The following KEAP1 variants were observed in gnomAD, a reference collection of about 807,000 sequenced individuals.
The protein encoded by KEAP1 is kelch-like ECH-associated protein 1.
A neutral mutation model predicts 59.7 loss-of-function variants in KEAP1; 26 were observed. That is an observed-to-expected ratio of 0.44 (90% CI 0.32 to 0.60). KEAP1 has a LOEUF of 0.60. Ranked by LOEUF, KEAP1 falls within the 20% of genes least tolerant of loss-of-function variation. The probability of loss-of-function intolerance (pLI) is 0.06; values close to 1 mark genes in which losing one functional copy is unlikely to be tolerated. For missense variants in KEAP1, 539 were observed against 871.4 expected, an observed-to-expected ratio of 0.62 and a Z score of 4.80; for synonymous variants, 350 against 358.3, an observed-to-expected ratio of 0.98 and a Z score of 0.26.
rs1914957691 is a variant in KEAP1 at position 10,499,340 on chromosome 19, C to T, written c.639+55G>A. 18 of 1,425,846 alleles carry T rather than the reference C, an allele frequency of 1.3e-5. No homozygotes were observed. In the East Asian group the frequency reaches 2.0e-4, roughly 16 times the overall value. 88.3% of individuals were successfully genotyped at this position (1,425,846 alleles called of 1,614,324 possible). A position where few individuals can be genotyped will look rare whatever the true frequency, so the allele number is the denominator to read the frequency against. On this transcript the variant is annotated intron_variant, in intron 2 of 5. Coordinates refer to ENST00000171111, the MANE Select transcript of KEAP1 (RefSeq NM_203500.2). The surrounding 1 kb of genome is among the most constrained non-coding windows in gnomAD (Gnocchi z 6.7). ...TCAAGGGGAGACAGTGATGAGCACT[C>T]GTCCATCCCTGGTCCTTCTCCTGAC...
chr19:10,502,958 C>A lies in KEAP1; in HGVS notation c.-48+283G>T, dbSNP rs1408803886. ...CCAGCATGGCGGCGGGGCGGGGGCACGCGACCCTGAGCGCGCTTAGCCGCG... is the reference window on the plus strand; with the variant it reads ...CCAGCATGGCGGCGGGGCGGGGGCAAGCGACCCTGAGCGCGCTTAGCCGCG... On this transcript the variant is annotated intron_variant, in intron 1 of 5. Coordinates refer to ENST00000171111, the MANE Select transcript of KEAP1 (RefSeq NM_203500.2). This position sits in a 1 kb window ranked among gnomAD's most constrained non-coding sequence, Gnocchi z 4.0. 1 of 152,130 alleles carries A rather than the reference C, an allele frequency of 6.6e-6. No individual in the cohort carries two copies. Among genetic ancestry groups the A allele is most frequent in the East Asian group, 1.9e-4 (1 of 5,178 alleles). 9.4% of individuals were successfully genotyped at this position (152,130 alleles called of 1,614,324 possible). A position where few individuals can be genotyped will look rare whatever the true frequency, so the allele number is the denominator to read the frequency against.
At chr19:10,492,668 T>G in intron 2 of KEAP1, 1 of 191,506 alleles carries the variant, frequency 5.2e-6, no homozygotes, top group South Asian at 9.4e-5. Context: ...GAGGTTGCAG[T>G]GAGCCGATAT....
chr19:10,500,685 T>C (rs886895465), intron 1 of KEAP1, among the ~76,000 whole-genome samples: 1 of 147,254 alleles, frequency 6.8e-6, no homozygotes, highest in African/African-American at 2.5e-5. Flanking sequence ...TGTTTGCTTT[T>C]TTTTTTTTTT....
At position 10,503,093 on chromosome 19, in the gene KEAP1, C is replaced by G. The variant is rs1915100964; in HGVS notation, c.-48+148G>C. ...CCGTCGCTGCTGCCCAAGCGCTCAC[C>G]TCAGCCCCCAGGTCGCCTCCGTAGG... On this transcript the variant is annotated intron_variant, in intron 1 of 5. Transcript: ENST00000171111. The surrounding 1 kb of genome is among the most constrained non-coding windows in gnomAD (Gnocchi z 4.3). 6.6e-6 allele frequency: 1 copy of G among 152,178 alleles called. No homozygotes were observed. Among genetic ancestry groups the G allele is most frequent in the Non-Finnish European group, 1.5e-5 (1 of 68,114 alleles). 9.4% of individuals were successfully genotyped at this position (152,178 alleles called of 1,614,324 possible). A position where few individuals can be genotyped will look rare whatever the true frequency, so the allele number is the denominator to read the frequency against.
At chr19:10,496,132 T>C (rs1914838039) in intron 2 of KEAP1, among the ~76,000 whole-genome samples, 2 of 147,952 alleles carry the variant, frequency 1.4e-5, no homozygotes, top group African/African-American at 2.5e-5. Context: ...GAGTTTGTGA[T>C]AAGCAGAGAT....
At chr19:10,490,968 C>T (rs1292714794) in intron 3 of KEAP1, 2 of 152,150 alleles carry the variant, frequency 1.3e-5, no homozygotes, top group Non-Finnish European at 1.5e-5. Flanking sequence ...CCTGTAATCG[C>T]AGCACTTTGG....
At chr19:10,490,709 C>T (rs968895487) in intron 3 of KEAP1, 7 of 152,136 alleles carry the variant, frequency 4.6e-5, no homozygotes, top group African/African-American at 1.7e-4. Flanking sequence ...CACCTCCACT[C>T]GAACTCTAGT....
At position 10,499,328 on chromosome 19, in the gene KEAP1, G is replaced by T; in HGVS notation, c.639+67C>A. 1 of 1,366,648 alleles carries T rather than the reference G, an allele frequency of 7.3e-7. No homozygotes were observed. Among genetic ancestry groups the T allele is most frequent in the Non-Finnish European group, 9.9e-7 (1 of 1,006,176 alleles). The allele number at this position is 1,366,648 out of a possible 1,614,324, so 84.7% of individuals were successfully genotyped here. On this transcript the variant is annotated intron_variant, in intron 2 of 5. Transcript: ENST00000171111. The surrounding 1 kb of genome is among the most constrained non-coding windows in gnomAD (Gnocchi z 6.7). ...TGCCTTGACATCTCAAGGGGAGACA[G>T]TGATGAGCACTCGTCCATCCCTGGT...
rs2144595896 is a variant in KEAP1, at chr19:10,491,554, C to T, written c.1325+23G>A. On this transcript the variant is annotated intron_variant, in intron 3 of 5. Coordinates refer to ENST00000171111, the MANE Select transcript of KEAP1 (RefSeq NM_203500.2). This position sits in a 1 kb window ranked among gnomAD's most constrained non-coding sequence, Gnocchi z 5.2. ...TGCCAGGAGCAGGACCCTCCGAGCCCACCCCCAGGCCCTGCCACTCACCTC... is the reference window on the plus strand; with the variant it reads ...TGCCAGGAGCAGGACCCTCCGAGCCTACCCCCAGGCCCTGCCACTCACCTC... 6.7e-7 allele frequency: 1 copy of T among 1,491,716 alleles called. No homozygotes were observed. 92.4% of individuals were successfully genotyped at this position (1,491,716 alleles called of 1,614,324 possible). A position where few individuals can be genotyped will look rare whatever the true frequency, so the allele number is the denominator to read the frequency against.
At chr19:10,489,606 G>A (rs775516873) in intron 4 of KEAP1, 42 bp downstream of exon 4, 1 of 1,599,566 alleles carries the variant, frequency 6.3e-7, no homozygotes, top group Non-Finnish European at 8.6e-7. Context: ...AGGATGGTAG[G>A]GGGTGTTCCT....
intron 5 of KEAP1, among the ~76,000 whole-genome samples, chr19:10,487,156 C>G (rs1348111904): frequency 2.0e-5 from 3 of 150,770 alleles, no homozygotes; most frequent in African/African-American, 7.3e-5. Flanking sequence ...CCAGCCTGGG[C>G]AACATGGTGA....
rs1476308962 is a variant in KEAP1 at position 10,499,033 on chromosome 19, C to T, written c.639+362G>A. Among the ~76,000 whole-genome samples the T allele has an allele frequency of 6.6e-6, 1 of 152,050 alleles. No homozygotes were observed. The highest frequency in any genetic ancestry group is 1.5e-5 in the Non-Finnish European group (1 of 68,018). On this transcript the variant is annotated intron_variant, in intron 2 of 5. Coordinates refer to ENST00000171111, the MANE Select transcript of KEAP1 (RefSeq NM_203500.2). The surrounding 1 kb of genome is among the most constrained non-coding windows in gnomAD (Gnocchi z 6.7). ...TATTTTTAGTAGAGATGGGTTTTAG[C>T]TATGTGGGCCAGGCTGGTCTTGAAC...
chr19:10,492,306 C>T (rs1599484812), intron 2 of KEAP1, 44 bp from the exon 3 acceptor site: 1 of 1,441,746 alleles, frequency 6.9e-7, no homozygotes, highest in Non-Finnish European at 9.7e-7. Flanking sequence ...CCAGTCACCC[C>T]CACACCTCAC....
chr19:10,493,490 C>T (rs1211728740), intron 2 of KEAP1, among the ~76,000 whole-genome samples: 3 of 147,340 alleles, frequency 2.0e-5, no homozygotes, highest in Non-Finnish European at 3.0e-5. Flanking sequence ...TTAGTAGAGA[C>T]GGAGTTTCAC....
rs985692327 is a variant in KEAP1, at chr19:10,502,682, TC to T, written c.-48+558del. 2 of 151,734 alleles carry T rather than the reference TC, an allele frequency of 1.3e-5. No individual in the cohort carries two copies. Among genetic ancestry groups the T allele is most frequent in the African/African-American group, 4.8e-5 (2 of 41,264 alleles). 9.4% of individuals were successfully genotyped at this position (151,734 alleles called of 1,614,324 possible). Reference sequence around the variant, plus strand: ...CCGCGATGCCCGCAGCCCGGGCACATCCCGCCTCACTCACCCCGCCATGGCC... The same window carrying T: ...CCGCGATGCCCGCAGCCCGGGCACATCCGCCTCACTCACCCCGCCATGGCC... On this transcript the variant is annotated intron_variant, in intron 1 of 5. Coordinates refer to ENST00000171111, the MANE Select transcript of KEAP1 (RefSeq NM_203500.2). This position sits in a 1 kb window ranked among gnomAD's most constrained non-coding sequence, Gnocchi z 4.0.
chr19:10,498,348 T>G (rs976013258), intron 2 of KEAP1, among the ~76,000 whole-genome samples: 5 of 151,914 alleles, frequency 3.3e-5, no homozygotes, highest in African/African-American at 1.2e-4. Context: ...TATAGTCACA[T>G]GCCACTACAC....
rs776784877 is a variant in KEAP1, at chr19:10,489,727, A to T, written c.1452T>A (p.Leu484=). Reference sequence around the variant, plus strand: ...CTGGGTAGTAACACTCAGCTGAATTAAGGCGGTTTGTCCCGTCAAAGCCCC... The same window carrying T: ...CTGGGTAGTAACACTCAGCTGAATTTAGGCGGTTTGTCCCGTCAAAGCCCC... ...AVGGFDGTNR[L]NSAECYYPER... is the part of the protein sequence containing the mutation. Residue 484 remains leucine, a synonymous_variant, in exon 4 of 6, where the codon CTT becomes CTA. Transcript: ENST00000171111. The T allele has an allele frequency of 6.2e-7, 1 of 1,613,968 alleles. No homozygotes were observed. Among genetic ancestry groups the T allele is most frequent in the Non-Finnish European group, 8.5e-7 (1 of 1,180,018 alleles).
At chr19:10,497,995 G>A (rs898941556) in intron 2 of KEAP1, among the ~76,000 whole-genome samples, 6 of 151,896 alleles carry the variant, frequency 4.0e-5, no homozygotes, top group Non-Finnish European at 7.4e-5. Flanking sequence ...CCGCCTCCCG[G>A]GTTCAAGCGA....
intron 4 of KEAP1, 69 bp from the exon 5 acceptor site, chr19:10,489,437 T>G (rs1914592985): frequency 6.7e-7 from 1 of 1,485,260 alleles, no homozygotes; most frequent in Non-Finnish European, 9.2e-7. Context: ...ATCACCTCCT[T>G]GAGGGAGACC....
Sources: allele counts gnomAD v4.1 joint callset (sites outside exome capture counted in the v4.1 genomes callset), GRCh38; gene constraint gnomAD v4.1.1; non-coding constraint Gnocchi (gnomAD v3.1); transcripts MANE v1.5; gene names NCBI Gene and HGNC (gene_info 2026-07-23, HGNC 2026-07-21).